TLL1: variants seen among roughly 807,000 people sequenced by gnomAD.
TLL1 encodes the protein tolloid like 1.
A neutral mutation model predicts 128.2 loss-of-function variants in TLL1; 49 were observed. The ratio of observed to expected loss-of-function variants is 0.38; its 90% confidence interval spans 0.30 to 0.48. The LOEUF (loss-of-function observed/expected upper bound fraction) is 0.48, where lower values mean the gene tolerates loss of function less well. TLL1 is among the 20% of genes least tolerant of loss of function. TLL1 has a pLI of 0.96. For missense variants in TLL1, 1,123 were observed against 1,242.0 expected (o/e 0.90, Z 1.44); for synonymous variants, 454 against 418.8 (o/e 1.08, Z -1.03).
At chr4:165,923,006 C>A (rs977972872) in intron 1 of TLL1, among the ~76,000 whole-genome samples, 1 of 152,140 alleles carries the variant, frequency 6.6e-6, no homozygotes, top group African/African-American at 2.4e-5. Context: ...CTGGCTTGTA[C>A]TTGTCTTGGA....
At chr4:165,957,347 A>AT (rs1328975004) in intron 1 of TLL1, among the ~76,000 whole-genome samples, 1 of 152,116 alleles carries the variant, frequency 6.6e-6, no homozygotes. Flanking sequence ...ACCCAGACTT[A>AT]TAAAACAAGC....
Position 165,896,135 on chromosome 4 carries a change from A to T in TLL1, c.169+22062A>T, listed in dbSNP as rs193227216. On this transcript the variant is annotated intron_variant, in intron 1 of 20. Transcript: ENST00000061240. ...GTGTGATGTTCCCCTCCCTGTGTCC[A>T]TGTGTTCTCATTGTTCAATTCCAGC... Among the ~76,000 whole-genome samples, 282 of 152,046 alleles carry T rather than the reference A, an allele frequency of 1.9e-3. 1 individual carries two copies. The highest frequency in any genetic ancestry group is 3.1e-3 in the Non-Finnish European group (209 of 67,982).
chr4:165,921,728 A>G (rs1000454286), intron 1 of TLL1, among the ~76,000 whole-genome samples: 2 of 152,334 alleles, frequency 1.3e-5, no homozygotes, highest in Admixed American at 6.5e-5. Flanking sequence ...AGGAGTGATA[A>G]AACTACAGGT....
At chr4:165,996,824 A>G (rs1334002768) in intron 5 of TLL1, among the ~76,000 whole-genome samples, 1 of 149,932 alleles carries the variant, frequency 6.7e-6, no homozygotes, top group South Asian at 2.1e-4. Flanking sequence ...ATACATATAT[A>G]GTATTAATTA....
intron 9 of TLL1, among the ~76,000 whole-genome samples, chr4:166,032,363 A>G (rs1489916873): frequency 6.6e-6 from 1 of 152,114 alleles, no homozygotes; most frequent in African/African-American, 2.4e-5. Flanking sequence ...AGTTTATCTT[A>G]AAAATAAAAT....
intron 1 of TLL1, among the ~76,000 whole-genome samples, chr4:165,931,718 C>CAAAAAAGAAAAAAAAA (rs761214388): frequency 7.5e-6 from 1 of 133,488 alleles, no homozygotes; most frequent in Non-Finnish European, 1.6e-5. Context: ...GACTCTGTCT[C>CAAAAAAGAAAAAAAAA]AAAAGAAAAA....
chr4:165,971,269 A>C (rs1480846766), intron 1 of TLL1, among the ~76,000 whole-genome samples: 1 of 152,294 alleles, frequency 6.6e-6, no homozygotes, highest in Non-Finnish European at 1.5e-5. Context: ...ACCCCCATGC[A>C]TGTCCCTAAG....
chr4:166,042,464 A>G (rs1169499518), intron 11 of TLL1, among the ~76,000 whole-genome samples: 1 of 152,160 alleles, frequency 6.6e-6, no homozygotes, highest in Non-Finnish European at 1.5e-5. Context: ...TTTCCTTTGT[A>G]CTGATTTTGT....
At chr4:165,918,564 GT>G (rs544890949) in intron 1 of TLL1, among the ~76,000 whole-genome samples, 41 of 148,990 alleles carry the variant, frequency 2.8e-4, no homozygotes, top group Admixed American at 9.4e-4. Flanking sequence ...CATTTTCTGG[GT>G]TTTTTTTTTC....
intron 1 of TLL1, among the ~76,000 whole-genome samples, chr4:165,888,321 A>G (rs1731252373): frequency 6.6e-6 from 1 of 152,218 alleles, no homozygotes; most frequent in Admixed American, 6.5e-5. Flanking sequence ...TGATATAATT[A>G]TCCTTATTTC....
At chr4:165,974,975 T>C (rs960436728) in intron 1 of TLL1, among the ~76,000 whole-genome samples, 2 of 152,144 alleles carry the variant, frequency 1.3e-5, no homozygotes, top group African/African-American at 4.8e-5. Flanking sequence ...GAAGCAGGTG[T>C]GAGAAGAGGA....
At chr4:166,047,569 C>CA (rs1387232637) in intron 12 of TLL1, among the ~76,000 whole-genome samples, 1 of 150,758 alleles carries the variant, frequency 6.6e-6, no homozygotes, top group Non-Finnish European at 1.5e-5. Flanking sequence ...ACTTGTCCAT[C>CA]ATGCTGTTGA....
intron 9 of TLL1, among the ~76,000 whole-genome samples, chr4:166,031,437 C>T (rs1243497386): frequency 2.9e-5 from 4 of 139,782 alleles, no homozygotes; most frequent in South Asian, 2.2e-4. Context: ...GGCATGATCT[C>T]GGCTCACTGC....
intron 1 of TLL1, among the ~76,000 whole-genome samples, chr4:165,894,157 C>G (rs1294896390): frequency 6.6e-6 from 1 of 151,934 alleles, no homozygotes; most frequent in African/African-American, 2.4e-5. Context: ...CGATAATGGC[C>G]AAAAATTCCT....
chr4:165,992,737 G>A (rs1403618730), intron 2 of TLL1, 67 bp from the exon 3 acceptor site: 7 of 1,385,776 alleles, frequency 5.1e-6, no homozygotes, highest in Non-Finnish European at 7.2e-6. Flanking sequence ...TGTTGCCTAT[G>A]ACTGTTTTTT....
intron 1 of TLL1, among the ~76,000 whole-genome samples, chr4:165,945,771 C>T (rs142116447): frequency 2.0e-3 from 310 of 152,200 alleles, no homozygotes; most frequent in Non-Finnish European, 3.4e-3. Flanking sequence ...TAGGCAGATT[C>T]GAAAGATGTC....
intron 18 of TLL1, among the ~76,000 whole-genome samples, chr4:166,085,941 G>T (rs991438443): frequency 2.0e-5 from 3 of 152,010 alleles, no homozygotes; most frequent in Admixed American, 1.3e-4. Flanking sequence ...TTGATATATG[G>T]TTTCACCGAG....
chr4:165,879,394 T>A lies in TLL1; in HGVS notation c.169+5321T>A, dbSNP rs191069692. On this transcript the variant is annotated intron_variant, in intron 1 of 20. Coordinates refer to ENST00000061240, the MANE Select transcript of TLL1 (RefSeq NM_012464.5). Reference sequence around the variant, plus strand: ...GAAATTGAGACTTACTTGCCAATAGTTAAAACAATATTCTTTGCAAACCTT... The same window carrying A: ...GAAATTGAGACTTACTTGCCAATAGATAAAACAATATTCTTTGCAAACCTT... Among the ~76,000 whole-genome samples, 4 of 152,288 alleles carry A rather than the reference T, an allele frequency of 2.6e-5. No homozygotes were observed. In the East Asian group the frequency reaches 7.7e-4, roughly 29 times the overall value.
At chr4:165,937,496 CT>C (rs1452228424) in intron 1 of TLL1, among the ~76,000 whole-genome samples, 1 of 152,152 alleles carries the variant, frequency 6.6e-6, no homozygotes, top group Non-Finnish European at 1.5e-5. Flanking sequence ...CTATTACCTA[CT>C]ACTTTTTAAT....
Sources: allele counts gnomAD v4.1 joint callset (sites outside exome capture counted in the v4.1 genomes callset), GRCh38; gene constraint gnomAD v4.1.1; transcripts MANE v1.5; gene names NCBI Gene and HGNC (gene_info 2026-07-23, HGNC 2026-07-21).